The following GRB10 variants were observed in gnomAD, a reference collection of about 807,000 sequenced individuals.
The protein encoded by GRB10 is growth factor receptor bound protein 10.
Under a neutral mutation model 80.9 loss-of-function variants are expected in GRB10, and 20 were observed. The observed-to-expected ratio is 0.25, with a 90% CI of 0.17 to 0.36. The LOEUF (loss-of-function observed/expected upper bound fraction) is 0.36. Ranked by LOEUF, GRB10 falls within the 10% of genes least tolerant of loss-of-function variation. The pLI is 1.00. For missense variants in GRB10, 548 were observed against 747.7 expected, an observed-to-expected ratio of 0.73 and a Z score of 3.12; for synonymous variants, 291 against 291.5, an observed-to-expected ratio of 1.00 and a Z score of 0.02.
At chr7:50,606,236 G>C in intron 14 of GRB10, 101 bp downstream of exon 14, 2 of 956,256 alleles carry the variant, frequency 2.1e-6, no homozygotes, top group Non-Finnish European at 3.4e-6. Flanking sequence ...ACACTCTCCA[G>C]AGCTTCTCTT....
At chr7:50,707,548 C>T (rs1482278961) in intron 4 of GRB10, among the ~76,000 whole-genome samples, 1 of 152,224 alleles carries the variant, frequency 6.6e-6, no homozygotes, top group Admixed American at 6.5e-5. Flanking sequence ...TTCTTCCAAG[C>T]AAACATCAAA....
chr7:50,705,226 A>G (rs1587167537), intron 4 of GRB10: 9 of 985,740 alleles, frequency 9.1e-6, no homozygotes, highest in Non-Finnish European at 1.1e-5. Context: ...CCCAGGGGAC[A>G]GACTCCAGCA....
At chr7:50,700,751 C>T (rs1415056236) in intron 5 of GRB10, among the ~76,000 whole-genome samples, 1 of 152,162 alleles carries the variant, frequency 6.6e-6, no homozygotes, top group African/African-American at 2.4e-5. Context: ...TTAAAGTTTC[C>T]TCATGCATGT....
chr7:50,756,169 CAAG>C (rs1281890737), intron 2 of GRB10, 113 bp from the exon 3 acceptor site: 13 of 397,350 alleles, frequency 3.3e-5, no homozygotes, highest in East Asian at 3.6e-5. Context: ...TATTTTTTTC[CAAG>C]AAGATCATTT....
Position 50,717,639 on chromosome 7 carries a change from T to C in GRB10, c.52-13731A>G, listed in dbSNP as rs141310307. ...CCACTGAAGCTACAAAACATTTCTT[T>C]ACCTAAACACTTTCTCCCTAAGTTA... On this transcript the variant is annotated intron_variant, in intron 4 of 18. Coordinates refer to ENST00000401949, the MANE Select transcript of GRB10 (RefSeq NM_001350814.2). 4.3e-4 allele frequency among the ~76,000 whole-genome samples: 65 copies of C among 152,378 alleles called. 1 individual carries two copies. The East Asian group carries it at 0.013, about 29-fold the overall frequency.
In GRB10 at chr7:50,703,889, G is replaced by A. The variant is rs200978293; in HGVS notation, c.71C>T (p.Pro24Leu). 3.7e-5 allele frequency: 60 copies of A among 1,613,048 alleles called. No individual in the cohort carries two copies. Among genetic ancestry groups the A allele is most frequent in the Non-Finnish European group, 5.1e-5 (60 of 1,179,378 alleles). ...PYYQDKVEQT[P>L]RSQQDPAGPG... ...TCCTGCCGGGTCTTGTTGACTGCGA[G>A]GTGTCTGCTCCACCTTGTCCTAAAA... Residue 24 changes from proline (P) to leucine (L), a missense_variant, in exon 5 of 19, where the codon CCT becomes CTT. Transcript: ENST00000401949.
chr7:50,780,900 A>C (rs2078206991), intron 1 of GRB10, 164 bp from the exon 2 acceptor site: 1 of 152,216 alleles, frequency 6.6e-6, no homozygotes, highest in African/African-American at 2.4e-5. Context: ...CTAACCTCCA[A>C]AATTCGAAAG....
intron 4 of GRB10, among the ~76,000 whole-genome samples, chr7:50,711,489 A>G (rs2065895083): frequency 6.6e-6 from 1 of 152,232 alleles, no homozygotes; most frequent in East Asian, 1.9e-4. Flanking sequence ...GTGAACTGCA[A>G]CAGGGATGGG....
intron 4 of GRB10, among the ~76,000 whole-genome samples, chr7:50,721,423 G>A (rs191171978): frequency 1.6e-3 from 249 of 152,326 alleles, no homozygotes; most frequent in African/African-American, 5.3e-3. Flanking sequence ...ATCAACTGCC[G>A]CGGATCACAG....
At chr7:50,742,739 TG>T (rs1361592503) in intron 3 of GRB10, among the ~76,000 whole-genome samples, 4 of 137,606 alleles carry the variant, frequency 2.9e-5, no homozygotes, top group East Asian at 4.3e-4. Context: ...GGGGAGGGGG[TG>T]GGGGGTAATA....
At chr7:50,768,876 T>G (rs1005814025) in intron 2 of GRB10, among the ~76,000 whole-genome samples, 7 of 152,186 alleles carry the variant, frequency 4.6e-5, no homozygotes, top group Admixed American at 1.3e-4. Context: ...TATTCTCAAA[T>G]CATTGGCCAA....
chr7:50,757,920 G>T (rs1419025440), intron 2 of GRB10, among the ~76,000 whole-genome samples: 1 of 152,174 alleles, frequency 6.6e-6, no homozygotes, highest in Non-Finnish European at 1.5e-5. Flanking sequence ...TGCTTGAAAG[G>T]TTTGCTTTTT....
intron 8 of GRB10, among the ~76,000 whole-genome samples, chr7:50,621,429 A>G (rs1165537286): frequency 1.3e-5 from 2 of 152,216 alleles, no homozygotes; most frequent in Non-Finnish European, 2.9e-5. Context: ...GGGTCCCAAG[A>G]CAAACAAAAC....
intron 4 of GRB10, among the ~76,000 whole-genome samples, chr7:50,723,182 G>A (rs757998): frequency 0.084 from 12,780 of 152,018 alleles, 923 homozygotes; most frequent in Admixed American, 0.19. Context: ...TAAAAAAAGA[G>A]AAAAGTTGCA....
chr7:50,767,743 C>G (rs909839246), intron 2 of GRB10, among the ~76,000 whole-genome samples: 7 of 152,206 alleles, frequency 4.6e-5, no homozygotes, highest in Admixed American at 2.6e-4. Context: ...TCAGACCCAG[C>G]AGTGAGCCAC....
At chr7:50,622,245 T>G (rs2051911375) in intron 8 of GRB10, among the ~76,000 whole-genome samples, 1 of 152,230 alleles carries the variant, frequency 6.6e-6, no homozygotes, top group Non-Finnish European at 1.5e-5. Flanking sequence ...CATCTTTTGT[T>G]GCTTTTCACA....
chr7:50,603,984 T>A lies in GRB10; in HGVS notation c.1544+14A>T. 6.3e-7 allele frequency: 1 copy of A among 1,582,864 alleles called. No homozygotes were observed. Among genetic ancestry groups the A allele is most frequent in the Non-Finnish European group, 8.7e-7 (1 of 1,151,454 alleles). The stretch of plus-strand genomic sequence containing the variant: ...CTTAGCAGATGACAGCTCTTATCAG[T>A]GGTGGTTCCTTACCCATCCACGAGC... On this transcript the variant is annotated intron_variant, in intron 17 of 18. Coordinates refer to ENST00000401949, the MANE Select transcript of GRB10 (RefSeq NM_001350814.2).
chr7:50,682,136 G>A (rs1260041059), intron 5 of GRB10, among the ~76,000 whole-genome samples: 1 of 152,228 alleles, frequency 6.6e-6, no homozygotes, highest in Non-Finnish European at 1.5e-5. Flanking sequence ...GGGACCTGAA[G>A]GGCATAAGGG....
intron 7 of GRB10, among the ~76,000 whole-genome samples, chr7:50,637,943 C>G (rs2055389781): frequency 6.6e-6 from 1 of 152,118 alleles, no homozygotes; most frequent in Non-Finnish European, 1.5e-5. Flanking sequence ...CAAAAATAAA[C>G]AATGGCAAAA....
Sources: gnomAD v4.1 joint callset for allele counts (sites outside exome capture counted in the v4.1 genomes callset) on GRCh38, gnomAD v4.1.1 for gene constraint, MANE v1.5 for transcripts, NCBI Gene and HGNC (gene_info 2026-07-23, HGNC 2026-07-21) for gene names.